Variants in SPMIP4 observed in about 807,000 individuals in gnomAD.
The protein encoded by SPMIP4 is sperm microtubule inner protein 4, also known as sperm-associated microtubule inner protein 4.
chr7:25,173,126 G>C, the SPMIP4 span, among the ~76,000 whole-genome samples: 2 of 151,928 alleles, frequency 1.3e-5, no homozygotes, highest in Non-Finnish European at 2.9e-5. This position sits in a 1 kb window ranked among gnomAD's most constrained non-coding sequence, Gnocchi z 4.4. Context: ...GGAGAGACAG[G>C]AAGAGAGAGA....
chr7:25,161,046 T>C, the SPMIP4 span: 2 of 530,814 alleles, frequency 3.8e-6, no homozygotes, highest in Non-Finnish European at 3.4e-6. Flanking sequence ...TTGGTCTTGG[T>C]TTCTGGCATT....
At chr7:25,170,251 A>G in the SPMIP4 span, among the ~76,000 whole-genome samples, 1 of 152,186 alleles carries the variant, frequency 6.6e-6, no homozygotes, top group African/African-American at 2.4e-5. Context: ...GTGGATGTGA[A>G]GTGGTATCTA....
the SPMIP4 span, chr7:25,134,931 G>C: frequency 3.0e-6 from 3 of 985,374 alleles, no homozygotes; most frequent in Non-Finnish European, 3.6e-6. Flanking sequence ...AATGTAACTA[G>C]TGCTGTACAG....
the SPMIP4 span, among the ~76,000 whole-genome samples, chr7:25,166,373 G>C: frequency 6.6e-6 from 1 of 151,822 alleles, no homozygotes; most frequent in Non-Finnish European, 1.5e-5. Context: ...GGATCATGAG[G>C]TCAGGAGATC....
the SPMIP4 span, chr7:25,155,339 C>T: frequency 3.8e-5 from 21 of 550,726 alleles, no homozygotes; most frequent in African/African-American, 4.1e-4. Context: ...AGTCAATGTC[C>T]CTGTGCTCAT....
chr7:25,170,919 C>A, the SPMIP4 span, among the ~76,000 whole-genome samples: 1 of 152,184 alleles, frequency 6.6e-6, no homozygotes, highest in Non-Finnish European at 1.5e-5. Flanking sequence ...GCTACTATAA[C>A]AATGGTTCTC....
At chr7:25,167,011 A>C in the SPMIP4 span, among the ~76,000 whole-genome samples, 1 of 152,226 alleles carries the variant, frequency 6.6e-6, no homozygotes, top group Non-Finnish European at 1.5e-5. Flanking sequence ...TTTGAAGTAG[A>C]TCATCCTTAA....
At chr7:25,136,595 T>C in the SPMIP4 span, 2 of 1,614,218 alleles carry the variant, frequency 1.2e-6, no homozygotes, top group African/African-American at 1.3e-5. The surrounding 1 kb of genome is among the most constrained non-coding windows in gnomAD (Gnocchi z 5.7). Context: ...CCGGCTGGTA[T>C]GTTATCACTA....
the SPMIP4 span, chr7:25,161,091 TA>T: frequency 1.1e-5 from 7 of 648,538 alleles, no homozygotes; most frequent in Non-Finnish European, 1.8e-5. Flanking sequence ...TTTGTTTCTC[TA>T]AAAGTCCCCA....
At chr7:25,135,990 G>C in the SPMIP4 span, 2 of 1,595,068 alleles carry the variant, frequency 1.3e-6, no homozygotes, top group Non-Finnish European at 1.7e-6. Context: ...AGAAATAATA[G>C]GAATTATGGC....
chr7:25,155,105 C>T, the SPMIP4 span: 1 of 1,613,638 alleles, frequency 6.2e-7, no homozygotes, highest in Non-Finnish European at 8.5e-7. Flanking sequence ...TGTAGAGGTC[C>T]TCAGGTGACG....
the SPMIP4 span, among the ~76,000 whole-genome samples, chr7:25,164,848 G>A: frequency 2.0e-5 from 3 of 152,104 alleles, no homozygotes; most frequent in Non-Finnish European, 2.9e-5. Flanking sequence ...TCATAGCTTA[G>A]CTCCAACTTC....
chr7:25,151,116 C>T, the SPMIP4 span, among the ~76,000 whole-genome samples: 35 of 151,874 alleles, frequency 2.3e-4, no homozygotes, highest in African/African-American at 8.5e-4. Flanking sequence ...GTGGAATGTT[C>T]CATAACTACC....
At chr7:25,172,172 G>A in the SPMIP4 span, among the ~76,000 whole-genome samples, 1 of 152,284 alleles carries the variant, frequency 6.6e-6, no homozygotes, top group Non-Finnish European at 1.5e-5. This position sits in a 1 kb window ranked among gnomAD's most constrained non-coding sequence, Gnocchi z 4.2. Flanking sequence ...ACTTTTGTTT[G>A]GTAAAATATT....
the SPMIP4 span, among the ~76,000 whole-genome samples, chr7:25,137,759 A>C: frequency 1.3e-5 from 2 of 152,186 alleles, no homozygotes; most frequent in African/African-American, 4.8e-5. Context: ...TCATGACCTC[A>C]TTTTAACTTG....
chr7:25,156,190 C>T, the SPMIP4 span, among the ~76,000 whole-genome samples: 8 of 152,088 alleles, frequency 5.3e-5, no homozygotes, highest in South Asian at 2.1e-4. Context: ...AGGCAGAGAT[C>T]GGGATGATGC....
chr7:25,171,660 A>G, the SPMIP4 span, among the ~76,000 whole-genome samples: 1 of 152,216 alleles, frequency 6.6e-6, no homozygotes, highest in African/African-American at 2.4e-5. Context: ...GTAAATAGGA[A>G]CCCAGTGAAG....
the SPMIP4 span, among the ~76,000 whole-genome samples, chr7:25,145,021 G>C: frequency 6.7e-6 from 1 of 150,246 alleles, no homozygotes; most frequent in East Asian, 2.0e-4. Flanking sequence ...GGAGTGCAGT[G>C]GTGCGATCTC....
chr7:25,146,121 C>A, the SPMIP4 span, among the ~76,000 whole-genome samples: 9 of 152,150 alleles, frequency 5.9e-5, no homozygotes, highest in East Asian at 1.5e-3. Flanking sequence ...TAAGGCACTT[C>A]GTTCATTTAC....
Sources: gnomAD v4.1 joint callset for allele counts (sites outside exome capture counted in the v4.1 genomes callset) on GRCh38, gnomAD v4.1.1 for gene constraint, Gnocchi (gnomAD v3.1) non-coding constraint, MANE v1.5 for transcripts, NCBI Gene and HGNC (gene_info 2026-07-23, HGNC 2026-07-21) for gene names.